Variants in ZFHX3 observed in about 807,000 individuals in gnomAD.
ZFHX3 encodes the protein zinc finger homeobox 3.
In ZFHX3, 42 loss-of-function variants were observed where a neutral mutation model predicts 279.1. The observed-to-expected ratio is 0.15, with a 90% CI of 0.12 to 0.19. ZFHX3 has a LOEUF of 0.19. ZFHX3 is among the 10% of genes least tolerant of loss of function. ZFHX3 has a pLI of 1.00. For missense variants in ZFHX3, 4,981 were observed against 4,754.0 expected, an observed-to-expected ratio of 1.05 and a Z score of -1.40; for synonymous variants, 2,293 against 1,957.8, an observed-to-expected ratio of 1.17 and a Z score of -4.52.
At position 73,229,119 on chromosome 16, in the gene ZFHX3, T is replaced by G. The variant is rs190441302; in HGVS notation, c.-1104+27928A>C. On this transcript the variant is annotated intron_variant, in intron 5 of 17. Coordinates refer to the ZFHX3 transcript ENST00000641206. Reference sequence around the variant, plus strand: ...GAGATAACAAGATCTGCTGCTCACCTAGGATTCTGACTTGTGCTACTGCTT... The same window carrying G: ...GAGATAACAAGATCTGCTGCTCACCGAGGATTCTGACTTGTGCTACTGCTT... Among the ~76,000 whole-genome samples, 17 of 152,316 alleles carry G rather than the reference T, an allele frequency of 1.1e-4. No homozygotes were observed. In the East Asian group the frequency reaches 3.3e-3, roughly 29 times the overall value.
intron 3 of ZFHX3, among the ~76,000 whole-genome samples, chr16:73,352,856 T>A (rs1200082837): frequency 6.6e-6 from 1 of 152,164 alleles, no homozygotes; most frequent in Non-Finnish European, 1.5e-5. Context: ...TGTGAAATCC[T>A]CAGCTGCACT....
intron 5 of ZFHX3, among the ~76,000 whole-genome samples, chr16:73,223,316 A>G (rs1392875676): frequency 6.6e-6 from 1 of 152,194 alleles, no homozygotes; most frequent in African/African-American, 2.4e-5. Flanking sequence ...TTTGCAAACG[A>G]AATATCTGAT....
At chr16:72,974,065 A>C (rs1962232467) in intron 1 of ZFHX3, among the ~76,000 whole-genome samples, 1 of 152,208 alleles carries the variant, frequency 6.6e-6, no homozygotes, top group Non-Finnish European at 1.5e-5. Flanking sequence ...GAACAGAAGT[A>C]AGTGCTATCA....
chr16:73,841,605 G>A (rs1161955459), intron 1 of ZFHX3, among the ~76,000 whole-genome samples: 1 of 152,130 alleles, frequency 6.6e-6, no homozygotes, highest in East Asian at 1.9e-4. Context: ...AGGGTCCCCA[G>A]TGCACGGACC....
intron 3 of ZFHX3, among the ~76,000 whole-genome samples, chr16:73,403,671 G>T (rs1327252351): frequency 6.6e-6 from 1 of 152,308 alleles, no homozygotes; most frequent in African/African-American, 2.4e-5. Flanking sequence ...TGAACTGGGC[G>T]GGCTGGAGGG....
rs191419368 is a variant in ZFHX3 at position 72,799,949 on chromosome 16, C to T, written c.3967+78G>A. The T allele has an allele frequency of 1.8e-5, 24 of 1,333,246 alleles. No individual in the cohort carries two copies. The Middle Eastern group carries it at 5.6e-4, about 31-fold the overall frequency. The allele number at this position is 1,333,246 out of a possible 1,614,324, so 82.6% of individuals were successfully genotyped here. On this transcript the variant is annotated intron_variant, in intron 8 of 9. Coordinates refer to ENST00000268489, the MANE Select transcript of ZFHX3 (RefSeq NM_006885.4). ...CACCTTAAGAGTATTGTAAAGAATT[C>T]CTGAAAACCTTTCTCCATGAACATT...
intron 4 of ZFHX3, among the ~76,000 whole-genome samples, chr16:72,878,986 C>T (rs1341858922): frequency 6.6e-6 from 1 of 152,170 alleles, no homozygotes; most frequent in Admixed American, 6.5e-5. Flanking sequence ...GCTTTATGCT[C>T]GTGCAGGACA....
intron 1 of ZFHX3, among the ~76,000 whole-genome samples, chr16:73,717,031 A>G (rs1349886596): frequency 6.6e-6 from 1 of 152,164 alleles, no homozygotes; most frequent in Non-Finnish European, 1.5e-5. Context: ...TGCAAGCGCC[A>G]TAGAACAGCA....
intron 5 of ZFHX3, among the ~76,000 whole-genome samples, chr16:73,156,048 C>T (rs892998888): frequency 6.6e-5 from 10 of 151,204 alleles, no homozygotes; most frequent in South Asian, 2.1e-4. Flanking sequence ...CTGGCTAACA[C>T]GGTGAAACCC....
intron 2 of ZFHX3, among the ~76,000 whole-genome samples, chr16:73,473,339 C>CTAAAAAAAA (rs2018702616): frequency 1.3e-5 from 1 of 76,658 alleles, no homozygotes; most frequent in Non-Finnish European, 2.3e-5. Flanking sequence ...TGTCTCAAAG[C>CTAAAAAAAA]AAAAAAAAAA....
At chr16:73,231,847 G>A (rs1322439282) in intron 5 of ZFHX3, among the ~76,000 whole-genome samples, 1 of 152,146 alleles carries the variant, frequency 6.6e-6, no homozygotes, top group Non-Finnish European at 1.5e-5. Flanking sequence ...CCAAAGCCCT[G>A]CCTTGGAGGT....
intron 6 of ZFHX3, among the ~76,000 whole-genome samples, chr16:73,132,441 T>A (rs999235075): frequency 3.3e-5 from 5 of 152,078 alleles, no homozygotes; most frequent in Admixed American, 6.6e-5. Context: ...GGGAGCCTCG[T>A]GGATGAAGGT....
chr16:73,273,631 T>C (rs2014213112), intron 4 of ZFHX3, among the ~76,000 whole-genome samples: 1 of 152,210 alleles, frequency 6.6e-6, no homozygotes, highest in Non-Finnish European at 1.5e-5. Context: ...GCATCAGTTT[T>C]TTAAGATCTA....
intron 1 of ZFHX3, among the ~76,000 whole-genome samples, chr16:73,045,640 C>T (rs1385037738): frequency 7.0e-6 from 1 of 143,000 alleles, no homozygotes; most frequent in East Asian, 2.0e-4. Context: ...CATGGATTTA[C>T]ATTATTATTA....
intron 3 of ZFHX3, among the ~76,000 whole-genome samples, chr16:72,946,437 G>GGGTCTTAATC (rs1448088060): frequency 6.6e-6 from 1 of 152,212 alleles, no homozygotes; most frequent in African/African-American, 2.4e-5. Flanking sequence ...GATTCTGGTA[G>GGGTCTTAATC]GGTCTTAATC....
chr16:73,035,642 T>C (rs920146947), intron 1 of ZFHX3, among the ~76,000 whole-genome samples: 7 of 152,208 alleles, frequency 4.6e-5, no homozygotes, highest in African/African-American at 1.7e-4. Flanking sequence ...TCCTAGCACT[T>C]TGGGAGGCCG....
At chr16:73,672,849 T>C (rs894827463) in intron 2 of ZFHX3, among the ~76,000 whole-genome samples, 1 of 152,138 alleles carries the variant, frequency 6.6e-6, no homozygotes, top group Admixed American at 6.5e-5. Context: ...GGGAGAACTA[T>C]ACCCAAATAT....
At chr16:72,997,231 T>C (rs1963329323) in intron 1 of ZFHX3, among the ~76,000 whole-genome samples, 1 of 152,212 alleles carries the variant, frequency 6.6e-6, no homozygotes, top group African/African-American at 2.4e-5. Context: ...TTGCATATCA[T>C]GGCGGTCTCC....
chr16:73,517,689 C>T (rs2143700463), intron 2 of ZFHX3, among the ~76,000 whole-genome samples: 1 of 152,332 alleles, frequency 6.6e-6, no homozygotes, highest in African/African-American at 2.4e-5. Context: ...GGTATTTATA[C>T]ACCAACTCCT....
Sources: gnomAD v4.1 joint callset for allele counts (sites outside exome capture counted in the v4.1 genomes callset) on GRCh38, gnomAD v4.1.1 for gene constraint, MANE v1.5 for transcripts, NCBI Gene and HGNC (gene_info 2026-07-23, HGNC 2026-07-21) for gene names.